The following C1GALT1 variants were observed in gnomAD, a reference collection of about 807,000 sequenced individuals.
C1GALT1 encodes glycoprotein-N-acetylgalactosamine 3-beta-galactosyltransferase 1.
A neutral mutation model predicts 31.0 loss-of-function variants in C1GALT1; 11 were observed. That is an observed-to-expected ratio of 0.36 (90% confidence interval 0.22 to 0.59). The LOEUF (loss-of-function observed/expected upper bound fraction) is 0.59, where lower values mean the gene tolerates loss of function less well. C1GALT1 is among the 20% of genes least tolerant of loss of function. The pLI is 0.79. For synonymous variants in C1GALT1, 175 were observed against 143.6 expected (o/e 1.22, Z -1.56); for missense variants, 424 against 425.2 (o/e 1.00, Z 0.03).
At chr7:7,162,394 C>T (rs907750935) in intron 2 of C1GALT1, among the ~76,000 whole-genome samples, 2 of 150,600 alleles carry the variant, frequency 1.3e-5, no homozygotes, top group African/African-American at 4.9e-5. Context: ...CGATAGTTTA[C>T]TGAGAATGAT....
chr7:7,234,486 A>T lies in C1GALT1; in HGVS notation c.167A>T (p.Gln56Leu). 1 of 1,613,914 alleles carries T rather than the reference A, an allele frequency of 6.2e-7. No homozygotes were observed. Among genetic ancestry groups the T allele is most frequent in the South Asian group, 1.1e-5 (1 of 91,066 alleles). ...GCAAGGCATTCAGATGATAATGGACAGAATCATCTAGAAGGACAAATGAAC... is the reference window on the plus strand; with the variant it reads ...GCAAGGCATTCAGATGATAATGGACTGAATCATCTAGAAGGACAAATGAAC... ...PHARHSDDNG[Q>L]NHLEGQMNFN... Residue 56 changes from glutamine (Q) to leucine (L), a missense_variant, in exon 2 of 4, where the codon CAG becomes CTG. Physicochemically the swap from Gln to Leu is moderately radical, Grantham distance 113. Transcript: ENST00000436587.
chr7:7,178,821 C>T (rs528832871), upstream of C1GALT1, among the ~76,000 whole-genome samples: 71 of 152,320 alleles, frequency 4.7e-4, no homozygotes, highest in African/African-American at 1.5e-3. Context: ...GTATGAGTTA[C>T]CTATTGTTGT....
intron 1 of C1GALT1, among the ~76,000 whole-genome samples, chr7:7,200,351 G>C (rs997983405): frequency 1.3e-5 from 2 of 152,190 alleles, no homozygotes; most frequent in Admixed American, 1.3e-4. Context: ...TTTTCTTTAA[G>C]AATGTTGTAT....
chr7:7,238,244 T>C lies in C1GALT1; in HGVS notation c.221-11T>C. On this transcript the variant is annotated splice_polypyrimidine_tract_variant and intron_variant, in intron 2 of 3. Transcript: ENST00000436587. This position sits in a 1 kb window ranked among gnomAD's most constrained non-coding sequence, Gnocchi z 5.2. ...TATGTAAATAACCTTTTAAAATGTT[T>C]TGTTTAATAGATGAGAACACAGACA... 2 of 1,564,022 alleles carry C rather than the reference T, an allele frequency of 1.3e-6. No homozygotes were observed. The highest frequency in any genetic ancestry group is 1.7e-6 in the Non-Finnish European group (2 of 1,160,268).
At chr7:7,184,712 T>C (rs549916237) in intron 1 of C1GALT1, among the ~76,000 whole-genome samples, 12 of 152,212 alleles carry the variant, frequency 7.9e-5, no homozygotes, top group Non-Finnish European at 1.6e-4. Context: ...AAACCTTAAG[T>C]AGAAAATGGA....
At chr7:7,160,121 A>G (rs756324750) in intron 2 of C1GALT1, among the ~76,000 whole-genome samples, 2 of 152,110 alleles carry the variant, frequency 1.3e-5, no homozygotes, top group Non-Finnish European at 2.9e-5. Flanking sequence ...TTCCTGCCCC[A>G]CATGTGTGTC....
At chr7:7,184,069 C>T (rs968149425) in intron 1 of C1GALT1, among the ~76,000 whole-genome samples, 14 of 152,072 alleles carry the variant, frequency 9.2e-5, no homozygotes, top group African/African-American at 3.4e-4. Flanking sequence ...AGCTTTTCAC[C>T]CTCTTAGGTA....
upstream of C1GALT1, among the ~76,000 whole-genome samples, chr7:7,178,853 T>G (rs939693193): frequency 6.6e-6 from 1 of 152,202 alleles, no homozygotes; most frequent in Non-Finnish European, 1.5e-5. Context: ...TCCCAAAACT[T>G]AGTGGCTTAA....
intron 1 of C1GALT1, among the ~76,000 whole-genome samples, chr7:7,189,018 G>T (rs548015321): frequency 6.6e-6 from 1 of 152,026 alleles, no homozygotes; most frequent in Non-Finnish European, 1.5e-5. Flanking sequence ...ATTTGTTTAG[G>T]TTTGTTCCTT....
intron 1 of C1GALT1, among the ~76,000 whole-genome samples, chr7:7,226,974 T>A (rs189233079): frequency 6.6e-6 from 1 of 152,320 alleles, no homozygotes; most frequent in East Asian, 1.9e-4. Flanking sequence ...CCATGCTGAT[T>A]TCCACATTTC....
intron 1 of C1GALT1, among the ~76,000 whole-genome samples, chr7:7,224,262 T>G (rs1484169167): frequency 6.6e-6 from 1 of 151,206 alleles, no homozygotes; most frequent in Admixed American, 6.6e-5. Context: ...TCTGTAGTTT[T>G]TTTTGGTTTT....
chr7:7,221,750 C>T (rs1264824894), intron 1 of C1GALT1, among the ~76,000 whole-genome samples: 1 of 152,212 alleles, frequency 6.6e-6, no homozygotes, highest in African/African-American at 2.4e-5. Context: ...CCAGTGCTCT[C>T]TCCATAGGCC....
rs373634683 is a variant in C1GALT1 at position 7,238,952 on chromosome 7, A to G, written c.888+30A>G. ...GTTTAGAAATTTTATTACTATGTCA[A>G]TACTTGGACTGACTGAATTTTGTTG... On this transcript the variant is annotated intron_variant, in intron 3 of 3. Transcript: ENST00000436587. This position sits in a 1 kb window ranked among gnomAD's most constrained non-coding sequence, Gnocchi z 5.2. The G allele has an allele frequency of 4.2e-5, 64 of 1,529,608 alleles. No homozygotes were observed. In the African/African-American group the frequency reaches 4.9e-4, roughly 12 times the overall value. The allele number at this position is 1,529,608 out of a possible 1,614,324, so 94.8% of individuals were successfully genotyped here. A position where few individuals can be genotyped will look rare whatever the true frequency, so the allele number is the denominator to read the frequency against.
At chr7:7,214,339 T>C (rs1232626121) in intron 1 of C1GALT1, among the ~76,000 whole-genome samples, 1 of 152,106 alleles carries the variant, frequency 6.6e-6, no homozygotes, top group Admixed American at 6.5e-5. Context: ...GGACCTCTCA[T>C]GCATGCATTA....
intron 1 of C1GALT1, among the ~76,000 whole-genome samples, chr7:7,185,996 A>C (rs956206972): frequency 6.6e-6 from 1 of 152,140 alleles, no homozygotes; most frequent in African/African-American, 2.4e-5. Context: ...AAAGAAAAGA[A>C]ATTTATTCCT....
intron 2 of C1GALT1, among the ~76,000 whole-genome samples, chr7:7,162,450 A>G (rs867648175): frequency 0.021 from 3,136 of 151,110 alleles, 55 homozygotes; most frequent in South Asian, 0.038. Flanking sequence ...TGAACTCATC[A>G]TTTTTTATGG....
chr7:7,242,146 C>T (rs546145543), intron 3 of C1GALT1, among the ~76,000 whole-genome samples: 5 of 150,940 alleles, frequency 3.3e-5, no homozygotes, highest in South Asian at 4.2e-4. Flanking sequence ...CATTAATCAT[C>T]GCAAAACTAT....
upstream of C1GALT1, chr7:7,178,204 A>C: frequency 4.4e-6 from 1 of 226,040 alleles, no homozygotes; most frequent in South Asian, 7.8e-5. Context: ...TCAAAGCAGA[A>C]TTGAACCGCC....
chr7:7,201,024 C>T (rs1781510392), intron 1 of C1GALT1, among the ~76,000 whole-genome samples: 1 of 152,232 alleles, frequency 6.6e-6, no homozygotes, highest in Admixed American at 6.5e-5. Context: ...ATTCTCCGTC[C>T]AGCTTTGTTC....
Sources: allele counts gnomAD v4.1 joint callset (sites outside exome capture counted in the v4.1 genomes callset), GRCh38; gene constraint gnomAD v4.1.1; non-coding constraint Gnocchi (gnomAD v3.1); transcripts MANE v1.5; gene names NCBI Gene and HGNC (gene_info 2026-07-23, HGNC 2026-07-21).